The following BCR variants were observed in gnomAD, a reference collection of about 807,000 sequenced individuals.
BCR encodes breakpoint cluster region protein.
Under a neutral mutation model 138.6 loss-of-function variants are expected in BCR, and 58 were observed. The observed-to-expected ratio is 0.42, with a 90% CI of 0.34 to 0.52. The LOEUF (loss-of-function observed/expected upper bound fraction) is 0.52. Among genes scored for constraint, BCR ranks in the 20% least tolerant of loss-of-function variants. BCR has a pLI of 0.06. For synonymous variants in BCR, 786 were observed against 730.1 expected, an observed-to-expected ratio of 1.08 and a Z score of -1.23; for missense variants, 1,599 against 1,727.2, an observed-to-expected ratio of 0.93 and a Z score of 1.32.
chr22:23,271,799 A>G (rs2073511990), intron 6 of BCR, among the ~76,000 whole-genome samples: 1 of 152,162 alleles, frequency 6.6e-6, no homozygotes, highest in African/African-American at 2.4e-5. Flanking sequence ...TGCCACCAAC[A>G]TTAGCAACAA....
chr22:23,305,428 G>C (rs1397418964), intron 16 of BCR, among the ~76,000 whole-genome samples: 1 of 152,176 alleles, frequency 6.6e-6, no homozygotes, highest in Non-Finnish European at 1.5e-5. Context: ...CCCTGCTGAG[G>C]GTGGGTGAGA....
At chr22:23,281,385 T>C (rs1194123486) in intron 8 of BCR, among the ~76,000 whole-genome samples, 1 of 152,198 alleles carries the variant, frequency 6.6e-6, no homozygotes, top group African/African-American at 2.4e-5. Context: ...CCGTGTGCCC[T>C]GGAGGACGAC....
At chr22:23,208,727 C>T (rs1568934221) in intron 1 of BCR, among the ~76,000 whole-genome samples, 1 of 152,214 alleles carries the variant, frequency 6.6e-6, no homozygotes, top group South Asian at 2.1e-4. Flanking sequence ...TGGTAGCGGG[C>T]GCCTGTAATC....
chr22:23,187,359 G>A (rs567724814), intron 1 of BCR, among the ~76,000 whole-genome samples: 36 of 150,444 alleles, frequency 2.4e-4, no homozygotes, highest in Middle Eastern at 6.9e-3. Context: ...GAAATAGGAC[G>A]GTCTAGTTAG....
intron 1 of BCR, among the ~76,000 whole-genome samples, chr22:23,232,443 C>T (rs2072969713): frequency 6.6e-6 from 1 of 152,228 alleles, no homozygotes; most frequent in African/African-American, 2.4e-5. Context: ...GCACTACTGG[C>T]ACAAGGGTAG....
In BCR at chr22:23,250,678, A is replaced by G. The variant is rs143686049; in HGVS notation, c.1280-3121A>G. On this transcript the variant is annotated intron_variant, in intron 1 of 22. Coordinates refer to ENST00000305877, the MANE Select transcript of BCR (RefSeq NM_004327.4). The stretch of plus-strand genomic sequence containing the variant: ...GGGGATGGCACGGCCTTCATCTAAT[A>G]GTGACAGTAGCATTTTAGAGCTAGA... Among the ~76,000 whole-genome samples the G allele has an allele frequency of 2.0e-5, 3 of 152,292 alleles. No homozygotes were observed. In the East Asian group the frequency reaches 5.8e-4, roughly 29 times the overall value.
intron 1 of BCR, among the ~76,000 whole-genome samples, chr22:23,223,028 C>T (rs2072844335): frequency 1.3e-5 from 2 of 152,148 alleles, no homozygotes; most frequent in Admixed American, 6.5e-5. Context: ...GCAGAAGGGC[C>T]AAAGAAGCTC....
intron 16 of BCR, among the ~76,000 whole-genome samples, chr22:23,308,710 G>A (rs1005102322): frequency 1.3e-4 from 20 of 152,188 alleles, no homozygotes; most frequent in Admixed American, 3.3e-4. Context: ...CCCATAAAAC[G>A]GGAGACAGAG....
intron 1 of BCR, among the ~76,000 whole-genome samples, chr22:23,185,806 G>C (rs1463554730): frequency 6.7e-6 from 1 of 150,120 alleles, no homozygotes; most frequent in Non-Finnish European, 1.5e-5. Context: ...TCGGCTCACT[G>C]CAAGCTCCGC....
intron 16 of BCR, among the ~76,000 whole-genome samples, chr22:23,307,308 T>C (rs1184072146): frequency 3.9e-5 from 6 of 152,268 alleles, no homozygotes; most frequent in South Asian, 2.1e-4. Flanking sequence ...CTCACTATAT[T>C]GCCCAGGCTG....
chr22:23,273,914 T>G, intron 8 of BCR, 140 bp downstream of exon 8: 2 of 1,243,702 alleles, frequency 1.6e-6, no homozygotes, highest in Non-Finnish European at 2.3e-6. Flanking sequence ...GGCCGCACAC[T>G]CAGTCCTGTG....
intron 22 of BCR, among the ~76,000 whole-genome samples, 181 bp downstream of exon 22, chr22:23,314,895 C>A (rs1040246496): frequency 6.6e-6 from 1 of 152,262 alleles, no homozygotes; most frequent in African/African-American, 2.4e-5. Context: ...CAGGCCACCT[C>A]CTGGTCCTGC....
intron 1 of BCR, among the ~76,000 whole-genome samples, chr22:23,250,519 T>C (rs1378523680): frequency 6.6e-6 from 1 of 152,176 alleles, no homozygotes; most frequent in Non-Finnish European, 1.5e-5. Flanking sequence ...ATGAGTGTAT[T>C]CTCTCCCTTG....
At chr22:23,287,018 G>A in intron 10 of BCR, 141 bp from the exon 11 acceptor site, 5 of 1,414,566 alleles carry the variant, frequency 3.5e-6, no homozygotes, top group Non-Finnish European at 3.8e-6. Flanking sequence ...TGCGGTCTGG[G>A]GCCCTGGTCT....
At chr22:23,218,909 A>AG in intron 1 of BCR, among the ~76,000 whole-genome samples, 1 of 152,298 alleles carries the variant, frequency 6.6e-6, no homozygotes, top group African/African-American at 2.4e-5. Context: ...CCCCTTGCCG[A>AG]GGGTGAGGTC....
At position 23,203,043 on chromosome 22, in the gene BCR, A is replaced by G. The variant is rs567968967; in HGVS notation, c.1279+20804A>G. ...CATCTGTCGTTTTTTTTCTTTTTGT[A>G]GAGACAGGGTCTTGCTGTGTTGCCC... On this transcript the variant is annotated intron_variant, in intron 1 of 22. Transcript: ENST00000305877. Among the ~76,000 whole-genome samples, 4 of 149,920 alleles carry G rather than the reference A, an allele frequency of 2.7e-5. No individual in the cohort carries two copies. In the East Asian group the frequency reaches 8.4e-4, roughly 31 times the overall value.
intron 9 of BCR, 80 bp downstream of exon 9, chr22:23,284,178 G>A: frequency 1.3e-6 from 2 of 1,565,708 alleles, no homozygotes; most frequent in South Asian, 1.2e-5. Context: ...TCATGGCGGA[G>A]GTCAGTGGTG....
chr22:23,290,426 T>TTGGGGAGGAGGGTTGCAGCGGC lies in BCR; in HGVS notation c.2782+14_2782+35dup, dbSNP rs1265715070. ...AAGCAGAGTTCAAGTAAGTACTGGT[T>TTGGGGAGGAGGGTTGCAGCGGC]TGGGGAGGAGGGTTGCAGCGGCCGA... is the stretch of plus-strand genomic sequence containing the variant. On this transcript the variant is annotated intron_variant, in intron 14 of 22. Coordinates refer to ENST00000305877, the MANE Select transcript of BCR (RefSeq NM_004327.4). 4 of 1,613,050 alleles carry TTGGGGAGGAGGGTTGCAGCGGC rather than the reference T, an allele frequency of 2.5e-6. No individual in the cohort carries two copies. Among genetic ancestry groups the TTGGGGAGGAGGGTTGCAGCGGC allele is most frequent in the Non-Finnish European group, 8.5e-7 (1 of 1,179,128 alleles).
At chr22:23,293,360 G>A (rs80008728) in intron 15 of BCR, among the ~76,000 whole-genome samples, 2 of 152,150 alleles carry the variant, frequency 1.3e-5, no homozygotes, top group Non-Finnish European at 2.9e-5. Context: ...AGGCTGCTTG[G>A]TCTACACGGG....
Sources: gnomAD v4.1 joint callset for allele counts (sites outside exome capture counted in the v4.1 genomes callset) on GRCh38, gnomAD v4.1.1 for gene constraint, MANE v1.5 for transcripts, NCBI Gene and HGNC (gene_info 2026-07-23, HGNC 2026-07-21) for gene names.